Variants in TLK2 observed in about 807,000 individuals in gnomAD.
The protein encoded by TLK2 is serine/threonine-protein kinase tousled-like 2.
In TLK2, 6 loss-of-function variants were observed where a neutral mutation model predicts 117.3. The ratio of observed to expected loss-of-function variants is 0.05; its 90% CI spans 0.03 to 0.10. The LOEUF (loss-of-function observed/expected upper bound fraction) is 0.10, where lower values mean the gene tolerates loss of function less well. Ranked by LOEUF, TLK2 falls within the 10% of genes least tolerant of loss-of-function variation. The pLI is 1.00. For synonymous variants in TLK2, 257 were observed against 316.7 expected, an observed-to-expected ratio of 0.81 and a Z score of 2.00; for missense variants, 299 against 901.2, an observed-to-expected ratio of 0.33 and a Z score of 8.56.
intron 16 of TLK2, among the ~76,000 whole-genome samples, chr17:62,596,019 G>C (rs1393002082): frequency 6.6e-6 from 1 of 152,094 alleles, no homozygotes; most frequent in African/African-American, 2.4e-5. Context: ...GAATGAACTT[G>C]AAAGGGATGA....
intron 2 of TLK2, among the ~76,000 whole-genome samples, chr17:62,511,091 T>C (rs1297161548): frequency 6.6e-6 from 1 of 152,152 alleles, no homozygotes. Flanking sequence ...ACCAAAAAAT[T>C]GACATTGGTA....
At chr17:62,538,902 T>G (rs766753549) in intron 7 of TLK2, among the ~76,000 whole-genome samples, 1 of 152,192 alleles carries the variant, frequency 6.6e-6, no homozygotes, top group Non-Finnish European at 1.5e-5. Context: ...GAAAGCAGAT[T>G]CTTAGAAAAG....
upstream of TLK2, among the ~76,000 whole-genome samples, chr17:62,475,977 T>C (rs1174679489): frequency 1.3e-5 from 2 of 149,954 alleles, no homozygotes; most frequent in Non-Finnish European, 3.0e-5. Flanking sequence ...ATTACTTTTA[T>C]TTTATTATCA....
At chr17:62,573,438 G>A (rs140285057) in intron 12 of TLK2, 71 bp downstream of exon 12, 10 of 1,565,126 alleles carry the variant, frequency 6.4e-6, no homozygotes, top group East Asian at 2.3e-5. Context: ...GATTGTCACC[G>A]GCAATAGTTT....
chr17:62,559,598 G>C (rs1364551555), intron 9 of TLK2, among the ~76,000 whole-genome samples: 3 of 151,926 alleles, frequency 2.0e-5, no homozygotes, highest in African/African-American at 7.2e-5. Flanking sequence ...GGCTGGTCTT[G>C]AACTCCTGAC....
At chr17:62,523,280 T>G in intron 5 of TLK2, 103 bp downstream of exon 5, 5 of 1,464,066 alleles carry the variant, frequency 3.4e-6, no homozygotes, top group Non-Finnish European at 4.5e-6. Flanking sequence ...ATTTGAGGCT[T>G]TAGAAAGTAA....
At chr17:62,538,479 C>T (rs1413893365) in intron 7 of TLK2, among the ~76,000 whole-genome samples, 3 of 152,170 alleles carry the variant, frequency 2.0e-5, no homozygotes, top group Non-Finnish European at 4.4e-5. Flanking sequence ...TCCACAAATA[C>T]GTACTGAGTG....
chr17:62,564,868 T>A, intron 10 of TLK2, 133 bp from the exon 11 acceptor site: 2 of 1,153,220 alleles, frequency 1.7e-6, no homozygotes, highest in Non-Finnish European at 2.4e-6. Context: ...GAGGAGTCAT[T>A]ACTGACTGTT....
At chr17:62,517,860 A>C (rs2075737536) in intron 2 of TLK2, among the ~76,000 whole-genome samples, 1 of 151,358 alleles carries the variant, frequency 6.6e-6, no homozygotes, top group Non-Finnish European at 1.5e-5. Context: ...ATCCCGCCCG[A>C]CTATGTTTTG....
At chr17:62,536,795 T>C (rs1350451552) in intron 7 of TLK2, among the ~76,000 whole-genome samples, 2 of 152,356 alleles carry the variant, frequency 1.3e-5, no homozygotes, top group East Asian at 3.9e-4. Context: ...ATTTGGGCTA[T>C]GTACACACTT....
intron 21 of TLK2, among the ~76,000 whole-genome samples, chr17:62,609,865 A>G (rs1007979023): frequency 2.6e-5 from 4 of 152,346 alleles, no homozygotes; most frequent in East Asian, 3.9e-4. Context: ...GTAATGTGCT[A>G]TGATCATACC....
At chr17:62,512,941 C>T (rs1337250988) in intron 2 of TLK2, among the ~76,000 whole-genome samples, 4 of 148,668 alleles carry the variant, frequency 2.7e-5, no homozygotes, top group African/African-American at 7.4e-5. Context: ...TGCAATGGTG[C>T]GATCTCAGCT....
At chr17:62,512,577 A>C (rs1351181905) in intron 2 of TLK2, among the ~76,000 whole-genome samples, 6 of 152,004 alleles carry the variant, frequency 3.9e-5, no homozygotes, top group Admixed American at 2.6e-4. Context: ...AATTCTTTAG[A>C]TAGTCTAATC....
intron 2 of TLK2, chr17:62,508,440 A>G (rs555084998): frequency 1.9e-4 from 187 of 973,468 alleles, no homozygotes; most frequent in Non-Finnish European, 2.2e-4. Context: ...AAAACAATAA[A>G]TATGCAAGAA....
chr17:62,495,259 C>T (rs571009274), intron 2 of TLK2, among the ~76,000 whole-genome samples: 380 of 152,004 alleles, frequency 2.5e-3, no homozygotes, highest in African/African-American at 8.2e-3. Flanking sequence ...CAGTCTAGCC[C>T]GCGCAACAGG....
intron 18 of TLK2, among the ~76,000 whole-genome samples, chr17:62,601,624 C>T (rs2082883563): frequency 6.6e-6 from 1 of 152,152 alleles, no homozygotes; most frequent in African/African-American, 2.4e-5. Flanking sequence ...GTAGGCGGTG[C>T]TGTGGTGCTA....
chr17:62,529,290 T>TGGGCAG (rs2076582788), intron 6 of TLK2, among the ~76,000 whole-genome samples: 8 of 152,248 alleles, frequency 5.3e-5, no homozygotes, highest in Middle Eastern at 3.4e-3. Context: ...CAGGCTGGAG[T>TGGGCAG]TCAGTGCACG....
chr17:62,592,003 G>A (rs1291685422), intron 16 of TLK2, among the ~76,000 whole-genome samples: 1 of 151,006 alleles, frequency 6.6e-6, no homozygotes. Flanking sequence ...TGCCCAGGCT[G>A]GAGTGCAATG....
chr17:62,488,813 C>T (rs2072767335), intron 2 of TLK2, among the ~76,000 whole-genome samples: 1 of 148,210 alleles, frequency 6.7e-6, no homozygotes. Context: ...GTACGAGGGC[C>T]TTGAAGATTT....
Sources: allele counts gnomAD v4.1 joint callset (sites outside exome capture counted in the v4.1 genomes callset), GRCh38; gene constraint gnomAD v4.1.1; transcripts MANE v1.5; gene names NCBI Gene and HGNC (gene_info 2026-07-23, HGNC 2026-07-21).